Variants in ACBD6 observed in about 807,000 individuals in gnomAD.
ACBD6 encodes the protein acyl-CoA binding domain containing 6.
Under a neutral mutation model 37.2 loss-of-function variants are expected in ACBD6, and 28 were observed. The observed-to-expected ratio is 0.75, with a 90% CI of 0.56 to 1.03. The LOEUF (loss-of-function observed/expected upper bound fraction) is 1.03, where lower values mean the gene tolerates loss of function less well. ACBD6 is among the 50% of genes least tolerant of loss of function. The pLI is 0.00. For missense variants in ACBD6, 340 were observed against 337.4 expected (o/e 1.01, Z -0.06); for synonymous variants, 113 against 126.8 (o/e 0.89, Z 0.73).
At chr1:180,387,778 T>C (rs1026629325) in intron 6 of ACBD6, among the ~76,000 whole-genome samples, 21 of 152,200 alleles carry the variant, frequency 1.4e-4, no homozygotes, top group African/African-American at 5.1e-4. Flanking sequence ...CCCCTTTTCC[T>C]GTCCTTTGGC....
At chr1:180,298,655 G>T (rs76310408) in intron 7 of ACBD6, among the ~76,000 whole-genome samples, 3,646 of 152,276 alleles carry the variant, frequency 0.024, 135 homozygotes, top group African/African-American at 0.059. Flanking sequence ...TCCCTAACTT[G>T]ACAGATGTGA....
At chr1:180,499,642 T>G (rs184253768) in intron 1 of ACBD6, among the ~76,000 whole-genome samples, 2 of 152,234 alleles carry the variant, frequency 1.3e-5, no homozygotes. Flanking sequence ...AGTCTCATAC[T>G]GCCCAGAGAA....
At chr1:180,453,356 C>T (rs1201192708) in intron 3 of ACBD6, among the ~76,000 whole-genome samples, 5 of 151,012 alleles carry the variant, frequency 3.3e-5, no homozygotes, top group Admixed American at 3.3e-4. Flanking sequence ...GCTTTCGATG[C>T]TAAAAACTCT....
At chr1:180,411,098 G>T (rs1647836208) in intron 5 of ACBD6, among the ~76,000 whole-genome samples, 1 of 152,230 alleles carries the variant, frequency 6.6e-6, no homozygotes, top group South Asian at 2.1e-4. Flanking sequence ...ACTAAAATTA[G>T]AAGTGGAACC....
chr1:180,498,936 T>A (rs981950249), intron 1 of ACBD6, among the ~76,000 whole-genome samples: 2 of 152,196 alleles, frequency 1.3e-5, no homozygotes, highest in Non-Finnish European at 2.9e-5. Flanking sequence ...TCTCCAGTTT[T>A]CACAGCTGTC....
chr1:180,488,616 C>G (rs1411123690), intron 3 of ACBD6, among the ~76,000 whole-genome samples: 2 of 151,950 alleles, frequency 1.3e-5, no homozygotes, highest in African/African-American at 4.8e-5. Context: ...ACTCTGTCAC[C>G]CAGACTGGAG....
At chr1:180,425,929 G>A (rs1648565501) in intron 4 of ACBD6, among the ~76,000 whole-genome samples, 2 of 151,926 alleles carry the variant, frequency 1.3e-5, no homozygotes, top group South Asian at 4.2e-4. Context: ...TTTATAATCA[G>A]GACTAGACAG....
intron 7 of ACBD6, among the ~76,000 whole-genome samples, chr1:180,296,045 A>C (rs1250800825): frequency 6.6e-6 from 1 of 152,210 alleles, no homozygotes; most frequent in East Asian, 1.9e-4. Context: ...TGCCAAATAA[A>C]AGTTCTTGAA....
intron 3 of ACBD6, among the ~76,000 whole-genome samples, chr1:180,444,481 T>C (rs1203190943): frequency 1.3e-5 from 2 of 152,186 alleles, no homozygotes; most frequent in African/African-American, 4.8e-5. Flanking sequence ...GATTATATCT[T>C]AGGCAGAAAT....
At chr1:180,419,174 C>T (rs949560596) in intron 4 of ACBD6, among the ~76,000 whole-genome samples, 12 of 152,210 alleles carry the variant, frequency 7.9e-5, no homozygotes, top group South Asian at 2.1e-4. Context: ...TGGCGTGAAC[C>T]CAGGAAGCGG....
chr1:180,343,315 A>G (rs186806312), intron 6 of ACBD6, among the ~76,000 whole-genome samples: 222 of 152,264 alleles, frequency 1.5e-3, no homozygotes, highest in African/African-American at 5.1e-3. Flanking sequence ...AAATATTAAA[A>G]ACCTATAAGC....
At chr1:180,348,186 G>T (rs967300024) in intron 6 of ACBD6, among the ~76,000 whole-genome samples, 1 of 152,144 alleles carries the variant, frequency 6.6e-6, no homozygotes, top group Non-Finnish European at 1.5e-5. Flanking sequence ...AATATCCTAC[G>T]ATCTAATTGC....
intron 6 of ACBD6, among the ~76,000 whole-genome samples, chr1:180,389,776 GT>G (rs1293603606): frequency 1.3e-5 from 2 of 152,234 alleles, no homozygotes; most frequent in Admixed American, 1.3e-4. Flanking sequence ...TTTTTCATGT[GT>G]TTTTTGGCTG....
At chr1:180,457,871 C>T (rs1282212096) in intron 3 of ACBD6, among the ~76,000 whole-genome samples, 1 of 151,130 alleles carries the variant, frequency 6.6e-6, no homozygotes, top group Non-Finnish European at 1.5e-5. Flanking sequence ...CAGCTCACTG[C>T]AACATTCACC....
intron 2 of ACBD6, 78 bp from the exon 3 acceptor site, chr1:180,492,443 T>C: frequency 2.8e-6 from 3 of 1,081,000 alleles, no homozygotes; most frequent in Non-Finnish European, 4.3e-6. Flanking sequence ...TTAAAAAAAC[T>C]GTATGCACAT....
chr1:180,278,444 T>G (rs1649173198), intron 9 of ACBD6: 1 of 151,998 alleles, frequency 6.6e-6, no homozygotes. Flanking sequence ...AGCAAAGCCA[T>G]CCCATCCACA....
chr1:180,330,780 GGAGA>G (rs1423650662), intron 6 of ACBD6, among the ~76,000 whole-genome samples: 1 of 152,166 alleles, frequency 6.6e-6, no homozygotes, highest in African/African-American at 2.4e-5. Flanking sequence ...TAAAATTGCT[GGAGA>G]GAGAGGAATT....
chr1:180,358,421 C>T (rs926743331), intron 6 of ACBD6, among the ~76,000 whole-genome samples: 1 of 138,030 alleles, frequency 7.2e-6, no homozygotes, highest in African/African-American at 2.8e-5. Flanking sequence ...AGCAAGACTC[C>T]GTCTCAAAAA....
intron 6 of ACBD6, among the ~76,000 whole-genome samples, chr1:180,321,452 C>G (rs1651065639): frequency 6.6e-6 from 1 of 152,090 alleles, no homozygotes; most frequent in Admixed American, 6.6e-5. Context: ...TTTGTGTGTT[C>G]CCTTCAATTT....
Sources: allele counts gnomAD v4.1 joint callset (sites outside exome capture counted in the v4.1 genomes callset), GRCh38; gene constraint gnomAD v4.1.1; transcripts MANE v1.5; gene names NCBI Gene and HGNC (gene_info 2026-07-23, HGNC 2026-07-21).